MAU2: variants seen among roughly 807,000 people sequenced by gnomAD.
MAU2 encodes the protein MAU2 chromatid cohesion factor homolog.
Under a neutral mutation model 89.1 loss-of-function variants are expected in MAU2, and 9 were observed. The observed-to-expected ratio is 0.10, with a 90% CI of 0.06 to 0.18. MAU2 has a LOEUF of 0.18. Among genes scored for constraint, MAU2 ranks in the 10% least tolerant of loss-of-function variants. The pLI, the probability that MAU2 is intolerant of heterozygous loss-of-function variation, is 1.00. For synonymous variants in MAU2, 357 were observed against 343.4 expected (o/e 1.04, Z -0.44); for missense variants, 425 against 803.5 (o/e 0.53, Z 5.69).
At chr19:19,328,109 G>A (rs1489225349) in intron 1 of MAU2, among the ~76,000 whole-genome samples, 1 of 150,422 alleles carries the variant, frequency 6.6e-6, no homozygotes, top group Admixed American at 6.7e-5. Context: ...TCAGTGAGCC[G>A]TGTTCCTGCC....
chr19:19,346,469 A>G (rs1461722900), intron 12 of MAU2, among the ~76,000 whole-genome samples: 3 of 151,956 alleles, frequency 2.0e-5, no homozygotes, highest in Non-Finnish European at 4.4e-5. Context: ...CCAGGATGCA[A>G]CCCCAACACC....
chr19:19,346,261 C>T (rs529892552), intron 12 of MAU2, among the ~76,000 whole-genome samples: 1 of 152,286 alleles, frequency 6.6e-6, no homozygotes, highest in Admixed American at 6.5e-5. Flanking sequence ...CCCTGGCTCA[C>T]TCTGACTGCA....
At chr19:19,337,288 G>A (rs79467914) in intron 4 of MAU2, 23 bp downstream of exon 4, 12 of 1,592,628 alleles carry the variant, frequency 7.5e-6, no homozygotes, top group African/African-American at 4.0e-5. Flanking sequence ...GCCCGGGAAC[G>A]AGGGTGCCCG....
At position 19,342,648 on chromosome 19, in the gene MAU2, G is replaced by T. The variant is rs761136102; in HGVS notation, c.849G>T (p.Leu283=). ...PSNPADLFHW[L]PKEHMCVLVY... is the part of the protein sequence containing the mutation. ...ACCCCGCTGACCTCTTCCACTGGCTGCCCAAGGAGCACATGTGTGTGCTTG... is the reference window on the plus strand; with the variant it reads ...ACCCCGCTGACCTCTTCCACTGGCTTCCCAAGGAGCACATGTGTGTGCTTG... Residue 283 remains leucine (L), a synonymous_variant, in exon 8 of 19, where the codon CTG becomes CTT. Coordinates refer to ENST00000262815, the MANE Select transcript of MAU2 (RefSeq NM_015329.4). 1.2e-6 allele frequency: 2 copies of T among 1,613,282 alleles called. No homozygotes were observed. Among genetic ancestry groups the T allele is most frequent in the Non-Finnish European group, 1.7e-6 (2 of 1,179,594 alleles).
Position 19,357,414 on chromosome 19 carries a change from C to T in MAU2, c.*1632C>T, listed in dbSNP as rs901624348. On this transcript the variant is annotated 3_prime_UTR_variant, in exon 19 of 19. Transcript: ENST00000262815. ...CTGTCTTCCTCCCGAGCCATGGCCT[C>T]TGCTAGCTCCACCTTGAAGGAGCCC... 1.8e-4 allele frequency: 27 copies of T among 152,568 alleles called. No homozygotes were observed. Among genetic ancestry groups the T allele is most frequent in the African/African-American group, 6.5e-4 (27 of 41,458 alleles). The allele number at this position is 152,568 out of a possible 1,614,324, so 9.5% of individuals were successfully genotyped here.
At chr19:19,354,843 C>G (rs1011926226) in intron 17 of MAU2, among the ~76,000 whole-genome samples, 1 of 152,162 alleles carries the variant, frequency 6.6e-6, no homozygotes, top group Non-Finnish European at 1.5e-5. Flanking sequence ...CCGCAGCTCC[C>G]CCATTTCCAG....
At chr19:19,330,205 C>T (rs1014283357) in intron 1 of MAU2, among the ~76,000 whole-genome samples, 2 of 151,702 alleles carry the variant, frequency 1.3e-5, no homozygotes, top group African/African-American at 2.4e-5. Flanking sequence ...GTCTCAAACT[C>T]CTGAGCTCAA....
chr19:19,321,544 A>G (rs1307978522), intron 1 of MAU2: 2 of 163,200 alleles, frequency 1.2e-5, no homozygotes, highest in Non-Finnish European at 2.7e-5. Flanking sequence ...AAACGCTTCC[A>G]CCTAAAGTGA....
At chr19:19,324,454 C>G (rs2061488210) in intron 1 of MAU2, among the ~76,000 whole-genome samples, 1 of 152,152 alleles carries the variant, frequency 6.6e-6, no homozygotes, top group African/African-American at 2.4e-5. Context: ...TGTGCTGGTT[C>G]TAAAACTCTC....
chr19:19,327,616 C>G (rs1444991394), intron 1 of MAU2, among the ~76,000 whole-genome samples: 1 of 152,144 alleles, frequency 6.6e-6, no homozygotes, highest in African/African-American at 2.4e-5. Flanking sequence ...TGAGCCACTG[C>G]GCCCGGCCTC....
chr19:19,351,209 T>C (rs1486454602), intron 16 of MAU2, among the ~76,000 whole-genome samples: 3 of 151,628 alleles, frequency 2.0e-5, no homozygotes, highest in Non-Finnish European at 4.4e-5. Context: ...GCCACCATGC[T>C]CAGCTAATTT....
intron 7 of MAU2, 97 bp from the exon 8 acceptor site, chr19:19,342,438 A>G: frequency 7.2e-7 from 1 of 1,394,858 alleles, no homozygotes; most frequent in Non-Finnish European, 9.6e-7. Flanking sequence ...AGGGGAAGGC[A>G]GATGCTCCCT....
intron 4 of MAU2, 36 bp downstream of exon 4, chr19:19,337,301 A>G (rs1246091456): frequency 6.5e-7 from 1 of 1,545,266 alleles, no homozygotes; most frequent in Admixed American, 1.7e-5. Flanking sequence ...GGTGCCCGGC[A>G]GGGACCATGA....
intron 1 of MAU2, among the ~76,000 whole-genome samples, chr19:19,333,845 C>T (rs2061575792): frequency 6.6e-6 from 1 of 152,238 alleles, no homozygotes; most frequent in African/African-American, 2.4e-5. Context: ...TTGCACCTTG[C>T]TCACCCAGGC....
chr19:19,332,166 C>CT (rs975061856), intron 1 of MAU2, among the ~76,000 whole-genome samples: 4 of 151,660 alleles, frequency 2.6e-5, no homozygotes, highest in Admixed American at 1.3e-4. Flanking sequence ...CATCATGGGG[C>CT]TTTTTTTTGT....
At chr19:19,321,424 C>T (rs1454718179) in intron 1 of MAU2, 9 of 368,064 alleles carry the variant, frequency 2.4e-5, no homozygotes, top group Non-Finnish European at 3.4e-5. Context: ...CAACAGGATC[C>T]GCAAATCGTC....
At chr19:19,321,291 C>T (rs529110065) in intron 1 of MAU2, among the ~76,000 whole-genome samples, 156 bp downstream of exon 1, 150 of 152,324 alleles carry the variant, frequency 9.8e-4, no homozygotes, top group African/African-American at 3.4e-3. Flanking sequence ...TCTGCCGGAC[C>T]CCAAAGCCAC....
chr19:19,351,990 A>C (rs991148734), intron 16 of MAU2, among the ~76,000 whole-genome samples: 1 of 151,634 alleles, frequency 6.6e-6, no homozygotes, highest in African/African-American at 2.4e-5. Flanking sequence ...CTGGGATTAC[A>C]GTCGAGCACC....
intron 7 of MAU2, among the ~76,000 whole-genome samples, chr19:19,341,671 G>A (rs1399579437): frequency 6.6e-6 from 1 of 152,218 alleles, no homozygotes; most frequent in African/African-American, 2.4e-5. Flanking sequence ...TCAGTGTATG[G>A]ATGCTCAGAG....
Sources: allele counts gnomAD v4.1 joint callset (sites outside exome capture counted in the v4.1 genomes callset), GRCh38; gene constraint gnomAD v4.1.1; transcripts MANE v1.5; gene names NCBI Gene and HGNC (gene_info 2026-07-23, HGNC 2026-07-21).